Variants in XYLT1 observed in about 807,000 individuals in gnomAD.
XYLT1 encodes xylosyltransferase 1.
A neutral mutation model predicts 91.3 loss-of-function variants in XYLT1; 36 were observed. The observed-to-expected ratio is 0.39, with a 90% CI of 0.30 to 0.52. The LOEUF is 0.52. XYLT1 is among the 20% of genes least tolerant of loss of function. The probability of loss-of-function intolerance (pLI) is 0.68; values close to 1 mark genes in which losing one functional copy is unlikely to be tolerated. For missense variants in XYLT1, 1,242 were observed against 1,284.5 expected, an observed-to-expected ratio of 0.97 and a Z score of 0.51; for synonymous variants, 588 against 532.0, an observed-to-expected ratio of 1.11 and a Z score of -1.45.
chr16:17,381,020 G>A (rs1290175852), intron 1 of XYLT1, among the ~76,000 whole-genome samples: 1 of 152,150 alleles, frequency 6.6e-6, no homozygotes, highest in East Asian at 1.9e-4. Context: ...GACAATGAGG[G>A]GCTATACTTT....
intron 1 of XYLT1, among the ~76,000 whole-genome samples, chr16:17,452,917 C>A (rs1596553793): frequency 6.6e-6 from 1 of 152,096 alleles, no homozygotes; most frequent in Admixed American, 6.6e-5. Context: ...TGAATACTTA[C>A]AATTCTAGTC....
chr16:17,361,627 G>T (rs917099973), intron 1 of XYLT1, among the ~76,000 whole-genome samples: 7 of 152,144 alleles, frequency 4.6e-5, no homozygotes, highest in African/African-American at 1.7e-4. Flanking sequence ...ATTACATCAA[G>T]CAAGGAAATA....
At chr16:17,127,525 C>A in intron 10 of XYLT1, 141 bp downstream of exon 10, 1 of 1,041,958 alleles carries the variant, frequency 9.6e-7, no homozygotes, top group Non-Finnish European at 1.4e-6. Flanking sequence ...GAACCTTCTT[C>A]GGGCACAGGG....
chr16:17,260,695 A>T (rs1342245838), intron 2 of XYLT1, among the ~76,000 whole-genome samples: 1 of 152,238 alleles, frequency 6.6e-6, no homozygotes, highest in Non-Finnish European at 1.5e-5. Flanking sequence ...TTATTGAAAC[A>T]CAGCCATACC....
chr16:17,420,741 A>G (rs898215703), intron 1 of XYLT1, among the ~76,000 whole-genome samples: 1 of 152,066 alleles, frequency 6.6e-6, no homozygotes, highest in Admixed American at 6.6e-5. Flanking sequence ...TGTGCATGTC[A>G]TTTATTACAC....
chr16:17,115,541 T>C (rs895751031), intron 11 of XYLT1, among the ~76,000 whole-genome samples: 1 of 150,692 alleles, frequency 6.6e-6, no homozygotes, highest in Non-Finnish European at 1.5e-5. Flanking sequence ...TGCAGTGGCA[T>C]GATTTCGGTT....
intron 5 of XYLT1, among the ~76,000 whole-genome samples, chr16:17,195,262 G>T (rs1052881167): frequency 6.6e-6 from 1 of 152,214 alleles, no homozygotes; most frequent in Non-Finnish European, 1.5e-5. Context: ...CCAAACATCA[G>T]CAGTGCCACT....
rs545406310 is a variant in XYLT1 at position 17,406,175 on chromosome 16, A to T, written c.364-48125T>A. On this transcript the variant is annotated intron_variant, in intron 1 of 11. Transcript: ENST00000261381. The stretch of plus-strand genomic sequence containing the variant: ...AGCCTAGCCTGGGCAACAGAGTGAG[A>T]CTCTATTTTATAAAAATAAGAGACT... Among the ~76,000 whole-genome samples the T allele has an allele frequency of 2.0e-5, 3 of 152,214 alleles. No individual in the cohort carries two copies. In the East Asian group the frequency reaches 5.8e-4, roughly 29 times the overall value.
chr16:17,174,237 A>G (rs1371942168), intron 5 of XYLT1, among the ~76,000 whole-genome samples: 1 of 152,196 alleles, frequency 6.6e-6, no homozygotes, highest in Non-Finnish European at 1.5e-5. Context: ...CTTTTTCTCT[A>G]AAGTAGCTGA....
intron 1 of XYLT1, among the ~76,000 whole-genome samples, chr16:17,468,876 T>C (rs1215777276): frequency 2.0e-5 from 3 of 152,160 alleles, no homozygotes; most frequent in African/African-American, 7.2e-5. Flanking sequence ...TCCTGGGCTC[T>C]GGATGCACAA....
At position 17,328,802 on chromosome 16, in the gene XYLT1, A is replaced by T. The variant is rs143679396; in HGVS notation, c.402+29210T>A. 2.1e-4 allele frequency among the ~76,000 whole-genome samples: 32 copies of T among 152,162 alleles called. No homozygotes were observed. The East Asian group carries it at 6.0e-3, about 28-fold the overall frequency. ...GGAAGGCTTCACACACATTCAGCGTACTCTATTTGAGAAGGCAGGAAAATA... is the reference window on the plus strand; with the variant it reads ...GGAAGGCTTCACACACATTCAGCGTTCTCTATTTGAGAAGGCAGGAAAATA... On this transcript the variant is annotated intron_variant, in intron 2 of 11. Coordinates refer to ENST00000261381, the MANE Select transcript of XYLT1 (RefSeq NM_022166.4).
At chr16:17,435,793 C>A (rs189285951) in intron 1 of XYLT1, among the ~76,000 whole-genome samples, 7 of 152,346 alleles carry the variant, frequency 4.6e-5, no homozygotes, top group Non-Finnish European at 1.0e-4. Flanking sequence ...CATCTTACAT[C>A]ACCCGTGAGC....
At chr16:17,445,135 GACCACA>G (rs2036576612) in intron 1 of XYLT1, among the ~76,000 whole-genome samples, 1 of 152,118 alleles carries the variant, frequency 6.6e-6, no homozygotes, top group South Asian at 2.1e-4. Context: ...AAGTAGCTAG[GACCACA>G]GGCACCAACA....
At chr16:17,172,654 A>G (rs2031852152) in intron 5 of XYLT1, among the ~76,000 whole-genome samples, 4 of 151,646 alleles carry the variant, frequency 2.6e-5, no homozygotes, top group Admixed American at 1.3e-4. Context: ...GTACTTTTTA[A>G]TAGAGATGGG....
intron 3 of XYLT1, among the ~76,000 whole-genome samples, chr16:17,207,646 T>G (rs1168605643): frequency 6.6e-6 from 1 of 152,158 alleles, no homozygotes; most frequent in East Asian, 1.9e-4. Flanking sequence ...GCACCCCCAC[T>G]TTTCCTTGAG....
chr16:17,244,662 A>T lies in XYLT1; in HGVS notation c.913+14326T>A, dbSNP rs539844579. 1.6e-4 allele frequency among the ~76,000 whole-genome samples: 24 copies of T among 152,330 alleles called. No homozygotes were observed. In the South Asian group the frequency reaches 4.6e-3, roughly 29 times the overall value. ...GGGCATCCGTTGTAGGTAGCAAATT[A>T]GCTTTTCTCTGATGTATCCAGAATG... On this transcript the variant is annotated intron_variant, in intron 3 of 11. Coordinates refer to ENST00000261381, the MANE Select transcript of XYLT1 (RefSeq NM_022166.4).
At chr16:17,201,837 C>T (rs1020012025) in intron 3 of XYLT1, among the ~76,000 whole-genome samples, 7 of 152,194 alleles carry the variant, frequency 4.6e-5, no homozygotes, top group East Asian at 3.9e-4. Flanking sequence ...TGTTCCCACA[C>T]GGAGAGAGGT....
chr16:17,394,901 G>A (rs150501462), intron 1 of XYLT1, among the ~76,000 whole-genome samples: 84 of 152,264 alleles, frequency 5.5e-4, no homozygotes, highest in African/African-American at 1.7e-3. Flanking sequence ...CAGGAAGATC[G>A]CTTGAGGACA....
chr16:17,163,434 C>T (rs924172673), intron 5 of XYLT1, among the ~76,000 whole-genome samples: 2 of 152,168 alleles, frequency 1.3e-5, no homozygotes, highest in African/African-American at 4.8e-5. Flanking sequence ...TGGCATGTGA[C>T]AAGAGATGAA....
Sources: gnomAD v4.1 joint callset for allele counts (sites outside exome capture counted in the v4.1 genomes callset) on GRCh38, gnomAD v4.1.1 for gene constraint, MANE v1.5 for transcripts, NCBI Gene and HGNC (gene_info 2026-07-23, HGNC 2026-07-21) for gene names.